The following DOP1A variants were observed in gnomAD, a reference collection of about 807,000 sequenced individuals.
DOP1A encodes the protein protein DOP1A.
In DOP1A, 90 loss-of-function variants were observed where a neutral mutation model predicts 267.6. The ratio of observed to expected loss-of-function variants is 0.34; its 90% CI spans 0.28 to 0.40. The LOEUF (loss-of-function observed/expected upper bound fraction) is 0.40, where lower values mean the gene tolerates loss of function less well. Among genes scored for constraint, DOP1A ranks in the 10% least tolerant of loss-of-function variants. The probability of loss-of-function intolerance (pLI) is 1.00; values close to 1 mark genes in which losing one functional copy is unlikely to be tolerated. For missense variants in DOP1A, 2,437 were observed against 2,900.4 expected (o/e 0.84, Z 3.67); for synonymous variants, 932 against 999.1 (o/e 0.93, Z 1.27).
rs763521783 is a variant in DOP1A at position 83,148,745 on chromosome 6, A to T, written c.5733-14A>T. The T allele has an allele frequency of 1.3e-6, 2 of 1,512,710 alleles. No individual in the cohort carries two copies. The highest frequency in any genetic ancestry group is 1.8e-6 in the Non-Finnish European group (2 of 1,128,884). The allele number at this position is 1,512,710 out of a possible 1,614,324, so 93.7% of individuals were successfully genotyped here. ...GTTTATTGTGGCTTTTGTATAAACT[A>T]TATTATCTTGCAGAATTCCAGTGCC... On this transcript the variant is annotated splice_polypyrimidine_tract_variant and intron_variant, in intron 26 of 38. Coordinates refer to ENST00000349129, the MANE Select transcript of DOP1A (RefSeq NM_015018.4).
In DOP1A at chr6:83,106,993, T is replaced by C. The variant is rs560217763; in HGVS notation, c.321-1917T>C. Among the ~76,000 whole-genome samples the C allele has an allele frequency of 1.1e-4, 16 of 152,226 alleles. No individual in the cohort carries two copies. The East Asian group carries it at 2.1e-3, about 20-fold the overall frequency. ...AATTGGTGGACATTGGTGACCAAAA[T>C]GAGAACAGTTTCAGTGGAGGAGGTA... On this transcript the variant is annotated intron_variant, in intron 4 of 38. Transcript: ENST00000349129.
chr6:83,127,808 T>C (rs906523022), intron 15 of DOP1A, among the ~76,000 whole-genome samples: 2 of 152,194 alleles, frequency 1.3e-5, no homozygotes, highest in Non-Finnish European at 2.9e-5. Context: ...TAAGTGCTAG[T>C]TATTTTGCCA....
Position 83,110,348 on chromosome 6 carries a change from A to T in DOP1A, c.681+34A>T, listed in dbSNP as rs374668137. On this transcript the variant is annotated intron_variant, in intron 6 of 38. Coordinates refer to ENST00000349129, the MANE Select transcript of DOP1A (RefSeq NM_015018.4). ...AAAAATATGGTTGCTCATTTCACAA[A>T]TATTTCTTTAGAGTCAGGCACTATT... is the stretch of plus-strand genomic sequence containing the variant. The T allele has an allele frequency of 1.9e-6, 3 of 1,593,566 alleles. No homozygotes were observed. The African/African-American group carries it at 4.0e-5, about 21-fold the overall frequency.
At chr6:83,113,230 C>T (rs1774862874) in intron 6 of DOP1A, 93 bp from the exon 7 acceptor site, 1 of 821,636 alleles carries the variant, frequency 1.2e-6, no homozygotes, top group Admixed American at 2.1e-5. Flanking sequence ...TCCTCAGAAG[C>T]ATACTTTCGA....
At chr6:83,080,829 C>T (rs1051580725) in intron 1 of DOP1A, among the ~76,000 whole-genome samples, 8 of 152,136 alleles carry the variant, frequency 5.3e-5, no homozygotes, top group African/African-American at 1.9e-4. Context: ...CTGTGTCACC[C>T]AAAACAATCT....
At chr6:83,139,309 A>T (rs1779264760) in intron 21 of DOP1A, 147 bp downstream of exon 21, 1 of 597,870 alleles carries the variant, frequency 1.7e-6, no homozygotes, top group South Asian at 2.7e-5. Context: ...CAAAAAAGAA[A>T]ATTTGACTTG....
At chr6:83,121,891 CTGAT>C (rs1225440714) in intron 10 of DOP1A, 35 bp from the exon 11 acceptor site, 2 of 1,566,448 alleles carry the variant, frequency 1.3e-6, no homozygotes, top group Admixed American at 1.8e-5. Flanking sequence ...TTTGCTCATG[CTGAT>C]TAATTACTGT....
intron 27 of DOP1A, among the ~76,000 whole-genome samples, chr6:83,151,286 C>A (rs968486946): frequency 3.3e-5 from 5 of 152,174 alleles, no homozygotes; most frequent in African/African-American, 1.2e-4. Flanking sequence ...TACCAAGTAG[C>A]TGGAACTACA....
intron 19 of DOP1A, 97 bp from the exon 20 acceptor site, chr6:83,135,518 ATAGT>A: frequency 8.6e-6 from 11 of 1,282,638 alleles, no homozygotes; most frequent in South Asian, 3.1e-5. Flanking sequence ...CTACTTCAAA[ATAGT>A]TAATTCAAAA....
intron 7 of DOP1A, among the ~76,000 whole-genome samples, chr6:83,115,861 A>C (rs556615413): frequency 3.3e-5 from 5 of 152,302 alleles, no homozygotes; most frequent in Non-Finnish European, 7.3e-5. Flanking sequence ...TGCTTTCTTA[A>C]GTAGTTTTTC....
intron 7 of DOP1A, among the ~76,000 whole-genome samples, chr6:83,117,761 C>A (rs1007356585): frequency 2.0e-5 from 3 of 152,100 alleles, no homozygotes; most frequent in African/African-American, 7.2e-5. Context: ...ACTTTGTGCA[C>A]CCCCTGAAAA....
intron 1 of DOP1A, among the ~76,000 whole-genome samples, chr6:83,089,993 A>C (rs565041739): frequency 6.6e-6 from 1 of 152,192 alleles, no homozygotes; most frequent in Non-Finnish European, 1.5e-5. Flanking sequence ...TTCACAAGAC[A>C]ATTCAAGATA....
At chr6:83,125,989 G>T (rs1322002795) in intron 15 of DOP1A, among the ~76,000 whole-genome samples, 1 of 151,704 alleles carries the variant, frequency 6.6e-6, no homozygotes, top group Non-Finnish European at 1.5e-5. Context: ...GTAAAAAGCA[G>T]GTAAAGTTAA....
intron 1 of DOP1A, chr6:83,073,063 A>G: frequency 4.1e-6 from 1 of 241,120 alleles, no homozygotes; most frequent in African/African-American, 2.3e-5. Flanking sequence ...ATTACCACCA[A>G]GTAGCAGTTC....
chr6:83,099,633 T>C (rs1381313858), intron 3 of DOP1A, among the ~76,000 whole-genome samples: 1 of 151,936 alleles, frequency 6.6e-6, no homozygotes, highest in Non-Finnish European at 1.5e-5. Flanking sequence ...CCCAAGTTGT[T>C]TATGAAGCTT....
intron 1 of DOP1A, among the ~76,000 whole-genome samples, chr6:83,074,855 G>C (rs969703647): frequency 2.6e-5 from 4 of 152,170 alleles, no homozygotes; most frequent in Non-Finnish European, 5.9e-5. Context: ...AGGATTGCTT[G>C]AGCCCAGCAA....
chr6:83,151,529 T>G, intron 27 of DOP1A, 64 bp from the exon 28 acceptor site: 1 of 1,330,242 alleles, frequency 7.5e-7, no homozygotes, highest in East Asian at 2.3e-5. Context: ...CGTGAGAAAT[T>G]AGATCGCATT....
intron 15 of DOP1A, among the ~76,000 whole-genome samples, chr6:83,127,711 A>G (rs1777418875): frequency 6.6e-6 from 1 of 152,134 alleles, no homozygotes; most frequent in Admixed American, 6.6e-5. Context: ...ATAGAAATGG[A>G]TGGATTAGCA....
At chr6:83,091,062 G>A (rs1419271496) in intron 1 of DOP1A, among the ~76,000 whole-genome samples, 1 of 151,076 alleles carries the variant, frequency 6.6e-6, no homozygotes, top group Non-Finnish European at 1.5e-5. Flanking sequence ...AGGCAAGGAG[G>A]AGCAAGTCAC....
Sources: gnomAD v4.1 joint callset for allele counts (sites outside exome capture counted in the v4.1 genomes callset) on GRCh38, gnomAD v4.1.1 for gene constraint, MANE v1.5 for transcripts, NCBI Gene and HGNC (gene_info 2026-07-23, HGNC 2026-07-21) for gene names.